TMEM132B: variants seen among roughly 807,000 people sequenced by gnomAD.
The protein encoded by TMEM132B is transmembrane protein 132B.
Under a neutral mutation model 90.8 loss-of-function variants are expected in TMEM132B, and 18 were observed. The observed-to-expected ratio is 0.20, with a 90% CI of 0.14 to 0.29. The LOEUF (loss-of-function observed/expected upper bound fraction) is 0.29, where lower values mean the gene tolerates loss of function less well. Ranked by LOEUF, TMEM132B falls within the 10% of genes least tolerant of loss-of-function variation. The probability of loss-of-function intolerance (pLI) is 1.00; values close to 1 mark genes in which losing one functional copy is unlikely to be tolerated. For missense variants in TMEM132B, 1,096 were observed against 1,326.8 expected (o/e 0.83, Z 2.70); for synonymous variants, 504 against 523.3 (o/e 0.96, Z 0.50).
intron 1 of TMEM132B, among the ~76,000 whole-genome samples, chr12:125,223,921 C>T (rs986698250): frequency 1.3e-5 from 2 of 152,072 alleles, no homozygotes; most frequent in African/African-American, 2.4e-5. Context: ...GAATTACAGG[C>T]GCCTGCCACC....
In TMEM132B at chr12:125,295,521, A is replaced by T. The variant is rs145107678; in HGVS notation, c.68-53931A>T. Reference sequence around the variant, plus strand: ...AAACCTGTGTGTGTGTGTGTGAGAGAGAGAGAGAGAGAGAGAGAGAGACAG... The same window carrying T: ...AAACCTGTGTGTGTGTGTGTGAGAGTGAGAGAGAGAGAGAGAGAGAGACAG... On this transcript the variant is annotated intron_variant, in intron 1 of 8. Transcript: ENST00000682704. 5.2e-3 allele frequency among the ~76,000 whole-genome samples: 743 copies of T among 143,896 alleles called. 1 individual carries two copies. The highest frequency in any genetic ancestry group is 5.7e-3 in the Non-Finnish European group (375 of 66,144). 94.4% of individuals were successfully genotyped at this position (143,896 alleles called of 152,430 possible).
In TMEM132B at chr12:125,459,028, G is replaced by A. The variant is rs540503980; in HGVS notation, c.1106+43351G>A. ...CCCCCCATGTGCAATTAGCATCTTC[G>A]GGTGACATCACCATTTGTCCACAGC... On this transcript the variant is annotated intron_variant, in intron 3 of 8. Coordinates refer to ENST00000682704, the MANE Select transcript of TMEM132B (RefSeq NM_001366854.1). This position sits in a 1 kb window ranked among gnomAD's most constrained non-coding sequence, Gnocchi z 4.1. Among the ~76,000 whole-genome samples the A allele has an allele frequency of 2.0e-5, 3 of 152,236 alleles. No individual in the cohort carries two copies. The highest frequency in any genetic ancestry group is 4.1e-4 in the South Asian group (2 of 4,820).
At chr12:125,233,652 C>T (rs1444731475) in intron 1 of TMEM132B, among the ~76,000 whole-genome samples, 2 of 152,206 alleles carry the variant, frequency 1.3e-5, no homozygotes, top group Non-Finnish European at 2.9e-5. Flanking sequence ...AGGATGTTGG[C>T]ATAGGCAATT....
chr12:125,319,516 GACTA>G (rs1361596639), intron 1 of TMEM132B, among the ~76,000 whole-genome samples: 1 of 152,206 alleles, frequency 6.6e-6, no homozygotes, highest in Non-Finnish European at 1.5e-5. Context: ...TGTGGCTGCA[GACTA>G]ACTCTGATCC....
rs75350578 is a variant in TMEM132B at position 125,466,894 on chromosome 12, G to A, written c.1106+51217G>A. 9.4e-3 allele frequency among the ~76,000 whole-genome samples: 1,431 copies of A among 152,328 alleles called. 19 individuals are homozygous for A. Among genetic ancestry groups the A allele is most frequent in the African/African-American group, 0.027 (1,114 of 41,562 alleles). ...TTTAGGAGCTCAGAGTCAGGTGGAG[G>A]ACACACATGTGAACAAACAAATGAA... On this transcript the variant is annotated intron_variant, in intron 3 of 8. Transcript: ENST00000682704.
intron 1 of TMEM132B, among the ~76,000 whole-genome samples, chr12:125,313,621 T>C (rs1593080265): frequency 1.6e-5 from 1 of 61,320 alleles, no homozygotes; most frequent in African/African-American, 6.8e-5. Context: ...CCCTCTCCCC[T>C]CTCCTTTCCC....
chr12:125,308,620 C>CT lies in TMEM132B; in HGVS notation c.68-40823dup, dbSNP rs906291590. ...TACTAGCAGGATGTGAAAAACCTTT[C>CT]TTTTTTTTTAATTGTAATTTTTATT... On this transcript the variant is annotated intron_variant, in intron 1 of 8. Transcript: ENST00000682704. 9.4e-4 allele frequency among the ~76,000 whole-genome samples: 142 copies of CT among 151,138 alleles called. 1 individual carries two copies. Among genetic ancestry groups the CT allele is most frequent in the Middle Eastern group, 6.9e-3 (2 of 290 alleles).
chr12:125,386,627 A>G (rs1320903914), intron 2 of TMEM132B, among the ~76,000 whole-genome samples: 3 of 152,218 alleles, frequency 2.0e-5, no homozygotes, highest in African/African-American at 7.2e-5. Context: ...ACAAGGAGTG[A>G]GCAGGCTGAA....
chr12:125,211,304 G>A (rs563208782), intron 1 of TMEM132B, among the ~76,000 whole-genome samples: 1 of 152,314 alleles, frequency 6.6e-6, no homozygotes, highest in Admixed American at 6.5e-5. Flanking sequence ...GAGTTGTTGG[G>A]TATGCAGCTG....
intron 4 of TMEM132B, among the ~76,000 whole-genome samples, chr12:125,529,045 CTTCCTTT>C (rs1219032351): frequency 8.8e-5 from 13 of 148,494 alleles, no homozygotes; most frequent in Admixed American, 6.8e-5. Context: ...CCTCCTCCTT[CTTCCTTT>C]TTCCTCCTTG....
intron 4 of TMEM132B, among the ~76,000 whole-genome samples, chr12:125,553,567 G>A (rs1357532026): frequency 6.6e-6 from 1 of 152,182 alleles, no homozygotes; most frequent in Admixed American, 6.5e-5. Context: ...ATTGGGTGGG[G>A]TCTGACGGAG....
intron 6 of TMEM132B, among the ~76,000 whole-genome samples, chr12:125,650,227 A>C (rs1886871529): frequency 6.6e-6 from 1 of 151,958 alleles, no homozygotes. Flanking sequence ...ACTATGAGAG[A>C]GGAAAGGGGC....
At chr12:125,644,427 C>G (rs1424463917) in intron 6 of TMEM132B, 146 bp downstream of exon 6, 1 of 740,432 alleles carries the variant, frequency 1.4e-6, no homozygotes, top group Non-Finnish European at 2.2e-6. Context: ...TCAGATGGAT[C>G]TGACTTGAGT....
intron 1 of TMEM132B, among the ~76,000 whole-genome samples, chr12:125,318,187 TAAA>T (rs11366682): frequency 2.6e-5 from 4 of 151,900 alleles, no homozygotes; most frequent in South Asian, 2.1e-4. Context: ...ACAATAAAAG[TAAA>T]AAAAACTCAC....
chr12:125,538,192 G>A (rs117261718), intron 4 of TMEM132B, among the ~76,000 whole-genome samples: 2,043 of 152,280 alleles, frequency 0.013, 15 homozygotes, highest in Middle Eastern at 0.024. Context: ...CTCTTCCCAG[G>A]TTATTTATAT....
chr12:125,222,191 G>A (rs1873574375), intron 1 of TMEM132B, among the ~76,000 whole-genome samples: 1 of 152,182 alleles, frequency 6.6e-6, no homozygotes, highest in African/African-American at 2.4e-5. Flanking sequence ...TGACTCCCAG[G>A]GGACAATAAG....
At chr12:125,329,658 G>A (rs556130374) in intron 1 of TMEM132B, among the ~76,000 whole-genome samples, 24 of 152,306 alleles carry the variant, frequency 1.6e-4, no homozygotes, top group African/African-American at 5.1e-4. Context: ...CAGAGCTGTC[G>A]TGGCTTTGTC....
At chr12:125,603,830 C>G (rs1335909850) in intron 5 of TMEM132B, among the ~76,000 whole-genome samples, 1 of 152,080 alleles carries the variant, frequency 6.6e-6, no homozygotes, top group African/African-American at 2.4e-5. Context: ...ATGCAGCCAA[C>G]AAATATATGA....
In TMEM132B at chr12:125,654,674, T is replaced by C; in HGVS notation, c.3216T>C (p.Phe1072=). 6.2e-7 allele frequency: 1 copy of C among 1,614,158 alleles called. No individual in the cohort carries two copies. Among genetic ancestry groups the C allele is most frequent in the Non-Finnish European group, 8.5e-7 (1 of 1,180,002 alleles). Residue 1072 remains phenylalanine, a synonymous_variant, in exon 9 of 9, where the codon TTT becomes TTC. Transcript: ENST00000682704. The surrounding 1 kb of genome is among the most constrained non-coding windows in gnomAD (Gnocchi z 5.8). ...QDMGLGDSQD[F]RDYMESLQDQ... ...TGGGGCTGGGGGATTCACAGGACTT[T>C]AGAGACTATATGGAAAGTCTGCAAG...
Sources: gnomAD v4.1 joint callset for allele counts (sites outside exome capture counted in the v4.1 genomes callset) on GRCh38, gnomAD v4.1.1 for gene constraint, Gnocchi (gnomAD v3.1) non-coding constraint, MANE v1.5 for transcripts, NCBI Gene and HGNC (gene_info 2026-07-23, HGNC 2026-07-21) for gene names.